The following CRTAC1 variants were observed in gnomAD, a reference collection of about 807,000 sequenced individuals.
The protein encoded by CRTAC1 is acidic secreted protein in cartilage.
Under a neutral mutation model 67.8 loss-of-function variants are expected in CRTAC1, and 37 were observed. The ratio of observed to expected loss-of-function variants is 0.55; its 90% CI spans 0.42 to 0.72. The LOEUF is 0.72. CRTAC1 is among the 30% of genes least tolerant of loss of function. CRTAC1 has a pLI of 0.00. For missense variants in CRTAC1, 780 were observed against 931.6 expected, an observed-to-expected ratio of 0.84 and a Z score of 2.12; for synonymous variants, 348 against 371.0, an observed-to-expected ratio of 0.94 and a Z score of 0.71.
At chr10:98,019,720 G>C (rs1843077397) in intron 1 of CRTAC1, among the ~76,000 whole-genome samples, 1 of 152,182 alleles carries the variant, frequency 6.6e-6, no homozygotes, top group Non-Finnish European at 1.5e-5. Context: ...AGCTTGGCCA[G>C]GCAAGCTCTG....
chr10:98,025,925 C>G (rs1843223833), intron 1 of CRTAC1, among the ~76,000 whole-genome samples: 1 of 152,170 alleles, frequency 6.6e-6, no homozygotes, highest in Non-Finnish European at 1.5e-5. Flanking sequence ...AAGTGAAAAC[C>G]CTGAGGTGGG....
At chr10:97,894,509 C>A (rs970582398) in intron 11 of CRTAC1, among the ~76,000 whole-genome samples, 1 of 151,256 alleles carries the variant, frequency 6.6e-6, no homozygotes, top group South Asian at 2.1e-4. Context: ...GAGCCTCCCA[C>A]CTCAGTCTCC....
intron 1 of CRTAC1, among the ~76,000 whole-genome samples, chr10:98,018,199 CAAAAAAAAAAAAAAAAA>C (rs71007373): frequency 1.9e-4 from 9 of 48,640 alleles, no homozygotes; most frequent in East Asian, 1.9e-3. Context: ...AAGATGCCCG[CAAAAAAAAAAAAAAAAA>C]AAAAAAAAAA....
At chr10:97,997,992 C>T (rs1484234374) in intron 2 of CRTAC1, among the ~76,000 whole-genome samples, 1 of 151,944 alleles carries the variant, frequency 6.6e-6, no homozygotes, top group Non-Finnish European at 1.5e-5. Flanking sequence ...TTTTTTGAGA[C>T]AGGGTCTTGC....
intron 2 of CRTAC1, among the ~76,000 whole-genome samples, chr10:98,009,509 G>T (rs912115465): frequency 2.0e-5 from 3 of 152,162 alleles, no homozygotes; most frequent in African/African-American, 7.2e-5. Context: ...ACCCCGTGAG[G>T]CAGGCCAGTA....
chr10:97,964,620 T>C (rs984072770), intron 2 of CRTAC1, among the ~76,000 whole-genome samples: 4 of 152,214 alleles, frequency 2.6e-5, no homozygotes, highest in African/African-American at 7.2e-5. Flanking sequence ...ACTTGACTTA[T>C]TGACTTTGGG....
At chr10:97,936,009 T>G (rs2051080205) in intron 3 of CRTAC1, among the ~76,000 whole-genome samples, 161 bp downstream of exon 3, 1 of 151,904 alleles carries the variant, frequency 6.6e-6, no homozygotes, top group Non-Finnish European at 1.5e-5. Context: ...GAAGAATAAG[T>G]CATTCTGGGA....
chr10:97,906,649 A>T (rs2050616766), intron 6 of CRTAC1, among the ~76,000 whole-genome samples: 1 of 152,168 alleles, frequency 6.6e-6, no homozygotes. Context: ...CTGCCAAAGG[A>T]TAGCACTAGG....
At chr10:97,931,848 G>T (rs1249140135) in intron 3 of CRTAC1, among the ~76,000 whole-genome samples, 2 of 152,180 alleles carry the variant, frequency 1.3e-5, no homozygotes, top group East Asian at 1.9e-4. Flanking sequence ...CAGGGGATGG[G>T]CTTTGACCAG....
intron 2 of CRTAC1, among the ~76,000 whole-genome samples, chr10:97,988,575 C>T (rs893995477): frequency 1.3e-5 from 2 of 152,084 alleles, no homozygotes; most frequent in Non-Finnish European, 2.9e-5. Flanking sequence ...TAAAAATTAG[C>T]CGGGTGTGGC....
intron 12 of CRTAC1, among the ~76,000 whole-genome samples, 167 bp from the exon 13 acceptor site, chr10:97,882,995 G>A (rs752681826): frequency 9.9e-5 from 15 of 152,246 alleles, no homozygotes; most frequent in Non-Finnish European, 1.8e-4. Flanking sequence ...CTTCCTTTGC[G>A]CTGAGAACAG....
intron 2 of CRTAC1, among the ~76,000 whole-genome samples, chr10:97,939,260 G>A (rs1446501804): frequency 6.6e-6 from 1 of 152,176 alleles, no homozygotes; most frequent in Admixed American, 6.5e-5. Context: ...CTGCACCATG[G>A]TAGTAACCTC....
At chr10:97,912,110 A>T (rs1590203048) in intron 5 of CRTAC1, among the ~76,000 whole-genome samples, 1 of 152,136 alleles carries the variant, frequency 6.6e-6, no homozygotes, top group Non-Finnish European at 1.5e-5. Context: ...CATAAGAGTG[A>T]TAATAATAAT....
In CRTAC1 at chr10:97,896,068, AC is replaced by A; in HGVS notation, c.1217-84del. On this transcript the variant is annotated intron_variant, in intron 9 of 14. Transcript: ENST00000370597. ...ACGCTCCCAACCAAGTGCAGTATCC[AC>A]AGCCCTGGGCGTGGGAGCCAGAGAA... is the stretch of plus-strand genomic sequence containing the variant. 3.2e-6 allele frequency: 4 copies of A among 1,255,376 alleles called. No homozygotes were observed. In the Admixed American group the frequency reaches 6.9e-5, roughly 22 times the overall value. 77.8% of individuals were successfully genotyped at this position (1,255,376 alleles called of 1,614,324 possible).
chr10:97,962,721 CAG>C (rs1391469919), intron 2 of CRTAC1, among the ~76,000 whole-genome samples: 2 of 151,950 alleles, frequency 1.3e-5, no homozygotes, highest in Admixed American at 1.3e-4. Flanking sequence ...ATAGAAAAGG[CAG>C]AGAGTTCCAC....
Position 97,908,215 on chromosome 10 carries a change from G to C in CRTAC1, c.716-68C>G, listed in dbSNP as rs2050641713. The stretch of plus-strand genomic sequence containing the variant: ...CCAGGCCCACCTGGAGGACAGGGCT[G>C]CCTCTGAGGCCTGAGGGGAACTGCA... On this transcript the variant is annotated intron_variant, in intron 5 of 14. Coordinates refer to ENST00000370597, the MANE Select transcript of CRTAC1 (RefSeq NM_018058.7). The C allele has an allele frequency of 3.9e-6, 6 of 1,551,008 alleles. No homozygotes were observed. In the East Asian group the frequency reaches 1.4e-4, roughly 35 times the overall value.
chr10:97,889,543 C>T (rs551016721), intron 11 of CRTAC1, among the ~76,000 whole-genome samples: 202 of 152,004 alleles, frequency 1.3e-3, no homozygotes, highest in African/African-American at 3.6e-3. Context: ...ACACAGTGGG[C>T]CCTCTGGGAA....
chr10:97,905,905 G>A (rs1372798744), intron 6 of CRTAC1, among the ~76,000 whole-genome samples: 4 of 152,138 alleles, frequency 2.6e-5, no homozygotes, highest in Admixed American at 2.6e-4. Context: ...CCAGAGCGAT[G>A]GGCTGACCTC....
rs749734744 is a variant in CRTAC1 at position 97,901,599 on chromosome 10, C to T, written c.1037G>A (p.Arg346His). The T allele has an allele frequency of 7.4e-6, 12 of 1,613,982 alleles. No individual in the cohort carries two copies. The highest frequency in any genetic ancestry group is 2.7e-5 in the African/African-American group (2 of 74,880). ...GTCAAAGTCGGCGGTGATGACCGTG[C>T]GGACAGGGGAGGGCATGGAGAACTT... ...SPKFSMPSPVRTVITADFDND... is the reference protein window; with the variant it reads ...SPKFSMPSPVHTVITADFDND... The change falls in exon 8 of 15, where the codon CGC (arginine) becomes CAC (histidine). Residue 346 changes from arginine (R) to histidine (H), a missense_variant. Arg to His is a conservative substitution (Grantham distance 29). Coordinates refer to ENST00000370597, the MANE Select transcript of CRTAC1 (RefSeq NM_018058.7).
Sources: gnomAD v4.1 joint callset for allele counts (sites outside exome capture counted in the v4.1 genomes callset) on GRCh38, gnomAD v4.1.1 for gene constraint, MANE v1.5 for transcripts, NCBI Gene and HGNC (gene_info 2026-07-23, HGNC 2026-07-21) for gene names.